Variants in UQCR10 observed in about 807,000 individuals in gnomAD.
UQCR10 encodes the protein cytochrome b-c1 complex subunit 9.
Under a neutral mutation model 6.0 loss-of-function variants are expected in UQCR10, and 5 were observed. That is an observed-to-expected ratio of 0.83 (90% CI 0.43 to 1.74). The LOEUF (loss-of-function observed/expected upper bound fraction) is 1.74. Among genes scored for constraint, UQCR10 ranks in the 40% most tolerant of loss-of-function variants. The pLI is 0.02. For synonymous variants in UQCR10, 40 were observed against 37.4 expected, an observed-to-expected ratio of 1.07 and a Z score of -0.26; for missense variants, 101 against 85.1, an observed-to-expected ratio of 1.19 and a Z score of -0.74.
At chr22:29,768,522 T>C (rs12158466) in intron 1 of UQCR10, among the ~76,000 whole-genome samples, 19,289 of 152,174 alleles carry the variant, frequency 0.13, 1,957 homozygotes, top group African/African-American at 0.28. Context: ...AAAGCATTGC[T>C]ACTGTCCCAT....
chr22:29,768,649 C>G (rs944932585), intron 1 of UQCR10, among the ~76,000 whole-genome samples: 4 of 150,700 alleles, frequency 2.7e-5, no homozygotes, highest in Admixed American at 2.6e-4. Flanking sequence ...TTTTTTGAGA[C>G]AGGATCTCAC....
chr22:29,767,705 T>C (rs1160273046), intron 1 of UQCR10, 157 bp downstream of exon 1: 1 of 1,149,156 alleles, frequency 8.7e-7, no homozygotes, highest in African/African-American at 1.6e-5. Context: ...CTTGGCTTGA[T>C]GTGAATTCTA....
At chr22:29,769,650 G>C in intron 1 of UQCR10, 28 bp from the exon 2 acceptor site, 2 of 1,434,752 alleles carry the variant, frequency 1.4e-6, no homozygotes, top group African/African-American at 2.8e-5. Context: ...AAAGGTCAAA[G>C]TTTGTGGCTC....
Position 29,769,864 on chromosome 22 carries a change from C to CA in UQCR10, c.*149dup, listed in dbSNP as rs1401102897. On this transcript the variant is annotated 3_prime_UTR_variant, in exon 2 of 2. Coordinates refer to ENST00000330029, the MANE Select transcript of UQCR10 (RefSeq NM_013387.4). Reference sequence around the variant, plus strand: ...TGTTGGCAAGAAACGGCTTTACTTACAAAACAGACTCTTTACCTTCTGCTG... The same window carrying CA: ...TGTTGGCAAGAAACGGCTTTACTTACAAAAACAGACTCTTTACCTTCTGCTG... 1 of 900,732 alleles carries CA rather than the reference C, an allele frequency of 1.1e-6. No homozygotes were observed. The highest frequency in any genetic ancestry group is 1.8e-6 in the Non-Finnish European group (1 of 556,306). The allele number at this position is 900,732 out of a possible 1,614,324, so 55.8% of individuals were successfully genotyped here. A position where few individuals can be genotyped will look rare whatever the true frequency, so the allele number is the denominator to read the frequency against.
At chr22:29,769,096 T>C (rs1258271062) in intron 1 of UQCR10, among the ~76,000 whole-genome samples, 1 of 152,198 alleles carries the variant, frequency 6.6e-6, no homozygotes, top group African/African-American at 2.4e-5. Context: ...ATTGTGTGTT[T>C]TGGGGCACTT....
chr22:29,767,450 A>C lies in UQCR10; in HGVS notation c.52A>C (p.Thr18Pro). 6.2e-7 allele frequency: 1 copy of C among 1,613,932 alleles called. No individual in the cohort carries two copies. The change falls in exon 1 of 2, where the codon ACC (threonine) becomes CCC (proline). Residue 18 changes from threonine (T) to proline (P), a missense_variant. Thr to Pro is a conservative substitution (Grantham distance 38). Transcript: ENST00000330029. ...ATTGTACTCCCTGCTGTTCCGCAGG[A>C]CCTCCACCTTCGCCCTCACCATCAT... ...SKLYSLLFRR[T>P]STFALTIIVG... is the part of the protein sequence containing the mutation.
intron 1 of UQCR10, 56 bp downstream of exon 1, chr22:29,767,604 A>G: frequency 6.4e-7 from 1 of 1,551,548 alleles, no homozygotes; most frequent in Non-Finnish European, 8.8e-7. Flanking sequence ...ACAGTGGAGT[A>G]GAGGTGGGAT....
Position 29,769,770 on chromosome 22 carries a change from T to C in UQCR10, c.*51T>C. The C allele has an allele frequency of 2.5e-6, 4 of 1,580,218 alleles. No individual in the cohort carries two copies. Among genetic ancestry groups the C allele is most frequent in the Non-Finnish European group, 3.4e-6 (4 of 1,160,858 alleles). ...AGAAGGACCAGGTCCACCCAGCAGC[T>C]GTTTGCCCAGAGCTGGAGCCTCAGC... On this transcript the variant is annotated 3_prime_UTR_variant, in exon 2 of 2. Transcript: ENST00000330029.
Position 29,767,395 on chromosome 22 carries a change from A to C in UQCR10, c.-4A>C, listed in dbSNP as rs374440434. On this transcript the variant is annotated 5_prime_UTR_variant, in exon 1 of 2. Coordinates refer to ENST00000330029, the MANE Select transcript of UQCR10 (RefSeq NM_013387.4). ...CGGTGGCGCGAGTTGGACTGTGAAG[A>C]AACATGGCGGCCGCGACGTTGACTT... is the stretch of plus-strand genomic sequence containing the variant. The C allele has an allele frequency of 6.2e-7, 1 of 1,612,476 alleles. No homozygotes were observed. Among genetic ancestry groups the C allele is most frequent in the African/African-American group, 1.3e-5 (1 of 75,018 alleles).
At chr22:29,767,592 T>G in intron 1 of UQCR10, 44 bp downstream of exon 1, 1 of 1,602,276 alleles carries the variant, frequency 6.2e-7, no homozygotes, top group Non-Finnish European at 8.5e-7. Flanking sequence ...GCCTGAGGGG[T>G]GACAGTGGAG....
intron 1 of UQCR10, 113 bp downstream of exon 1, chr22:29,767,661 C>A: frequency 6.9e-7 from 1 of 1,439,624 alleles, no homozygotes; most frequent in Non-Finnish European, 9.2e-7. Flanking sequence ...GGTAAACCGT[C>A]GGCGTCTTCT....
In UQCR10 at chr22:29,767,507, G is replaced by C. The variant is rs374152934; in HGVS notation, c.109G>C (p.Asp37His). Reference protein sequence around the residue: ...VGVMFFERAFDQGADAIYDHI... With the variant: ...VGVMFFERAFHQGADAIYDHI... The stretch of plus-strand genomic sequence containing the variant: ...CGTCATGTTCTTCGAGCGCGCCTTC[G>C]ATCAAGGCGCGGACGCTATCTACGA... Residue 37 changes from aspartate to histidine, a missense_variant, in exon 1 of 2, where the codon GAT (aspartate) becomes CAT (histidine). Physicochemically the swap from Asp to His is moderately conservative, Grantham distance 81. Transcript: ENST00000330029. 44 of 1,613,846 alleles carry C rather than the reference G, an allele frequency of 2.7e-5. No homozygotes were observed. The South Asian group carries it at 3.1e-4, about 11-fold the overall frequency.
intron 1 of UQCR10, among the ~76,000 whole-genome samples, 194 bp from the exon 2 acceptor site, chr22:29,769,484 G>A (rs765568672): frequency 3.3e-5 from 5 of 152,030 alleles, no homozygotes; most frequent in Non-Finnish European, 5.9e-5. Flanking sequence ...GCGATAGAGC[G>A]AGTCTCCGTC....
chr22:29,767,639 A>G, intron 1 of UQCR10, 91 bp downstream of exon 1: 7 of 1,468,298 alleles, frequency 4.8e-6, no homozygotes, highest in Non-Finnish European at 6.4e-6. Flanking sequence ...TTTTACCAGG[A>G]AGGGGGTAAG....
intron 1 of UQCR10, 96 bp downstream of exon 1, chr22:29,767,644 G>A (rs1302677237): frequency 1.4e-6 from 2 of 1,467,618 alleles, no homozygotes; most frequent in African/African-American, 1.4e-5. Flanking sequence ...CCAGGAAGGG[G>A]GTAAGGGGTA....
Position 29,767,549 on chromosome 22 carries a change from G to A in UQCR10, c.150+1G>A, listed in dbSNP as rs1342988031. 2.1e-6 allele frequency: 3 copies of A among 1,450,220 alleles called. No homozygotes were observed. The highest frequency in any genetic ancestry group is 1.9e-6 in the Non-Finnish European group (2 of 1,045,794). 89.8% of individuals were successfully genotyped at this position (1,450,220 alleles called of 1,614,324 possible). ...TATCTACGACCACATCAACGAGGGG[G>A]TGAGGGCCTGTGCCATCCCTGACCT... On this transcript the variant is annotated splice_donor_variant, in intron 1 of 1. Transcript: ENST00000330029. LOFTEE classifies it high-confidence loss of function.
rs1431031578 is a variant in UQCR10, at chr22:29,767,694, C to T, written c.150+146C>T. On this transcript the variant is annotated intron_variant, in intron 1 of 1. Transcript: ENST00000330029. ...TCTGTCTCGAGTCCGCCGTCTGTCCCCTTGGCTTGATGTGAATTCTAAAAC... is the reference window on the plus strand; with the variant it reads ...TCTGTCTCGAGTCCGCCGTCTGTCCTCTTGGCTTGATGTGAATTCTAAAAC... 6 of 1,247,810 alleles carry T rather than the reference C, an allele frequency of 4.8e-6. No individual in the cohort carries two copies. The East Asian group carries it at 1.3e-4, about 27-fold the overall frequency. 77.3% of individuals were successfully genotyped at this position (1,247,810 alleles called of 1,614,324 possible). A position where few individuals can be genotyped will look rare whatever the true frequency, so the allele number is the denominator to read the frequency against.
At chr22:29,769,021 T>C (rs772371981) in intron 1 of UQCR10, among the ~76,000 whole-genome samples, 17 of 152,204 alleles carry the variant, frequency 1.1e-4, no homozygotes, top group African/African-American at 1.4e-4. Context: ...TACGCACTTA[T>C]AATCTCTTCA....
rs749721393 is a variant in UQCR10, at chr22:29,767,501, G to A, written c.103G>A (p.Ala35Thr). Residue 35 changes from alanine to threonine, a missense_variant, in exon 1 of 2, where the codon GCC becomes ACC. By Grantham distance (58) the Ala-to-Thr change is moderately conservative. Transcript: ENST00000330029. ...IIVGVMFFER[A>T]FDQGADAIYD... ...CGTGGGCGTCATGTTCTTCGAGCGC[G>A]CCTTCGATCAAGGCGCGGACGCTAT... 2.5e-6 allele frequency: 4 copies of A among 1,613,988 alleles called. No homozygotes were observed. Among genetic ancestry groups the A allele is most frequent in the South Asian group, 2.2e-5 (2 of 91,082 alleles).
Sources: allele counts gnomAD v4.1 joint callset (sites outside exome capture counted in the v4.1 genomes callset), GRCh38; gene constraint gnomAD v4.1.1; transcripts MANE v1.5; gene names NCBI Gene and HGNC (gene_info 2026-07-23, HGNC 2026-07-21).